HPSE2: variants seen among roughly 807,000 people sequenced by gnomAD.
The protein encoded by HPSE2 is inactive heparanase-2.
Under a neutral mutation model 60.5 loss-of-function variants are expected in HPSE2, and 38 were observed. The observed-to-expected ratio is 0.63, with a 90% CI of 0.48 to 0.82. The LOEUF (loss-of-function observed/expected upper bound fraction) is 0.82. HPSE2 is among the 40% of genes least tolerant of loss of function. HPSE2 has a pLI of 0.00. For missense variants in HPSE2, 713 were observed against 740.4 expected, an observed-to-expected ratio of 0.96 and a Z score of 0.43; for synonymous variants, 295 against 293.2, an observed-to-expected ratio of 1.01 and a Z score of -0.06.
At chr10:98,880,915 T>C (rs980849255) in intron 3 of HPSE2, among the ~76,000 whole-genome samples, 1 of 152,106 alleles carries the variant, frequency 6.6e-6, no homozygotes, top group Non-Finnish European at 1.5e-5. Flanking sequence ...TTCCTAAGAT[T>C]GCTTTCCCAG....
intron 9 of HPSE2, among the ~76,000 whole-genome samples, chr10:98,545,726 C>T (rs1401398263): frequency 1.3e-5 from 2 of 151,814 alleles, no homozygotes; most frequent in Admixed American, 6.6e-5. Context: ...GGAAGCATTC[C>T]CTTTGAAAAC....
At chr10:98,701,707 T>A (rs934054182) in intron 5 of HPSE2, among the ~76,000 whole-genome samples, 1 of 151,958 alleles carries the variant, frequency 6.6e-6, no homozygotes, top group Non-Finnish European at 1.5e-5. Context: ...CCAGCCAAAC[T>A]AAGCTTCATA....
At chr10:99,277,399 T>C in the HPSE2 span, among the ~76,000 whole-genome samples, 1 of 152,254 alleles carries the variant, frequency 6.6e-6, no homozygotes, top group Non-Finnish European at 1.5e-5. Context: ...ATAAGGTTTT[T>C]GGCTCAGTTT....
chr10:99,308,465 T>C, the HPSE2 span, among the ~76,000 whole-genome samples: 1 of 150,802 alleles, frequency 6.6e-6, no homozygotes, highest in Non-Finnish European at 1.5e-5. Flanking sequence ...AATGGAATAT[T>C]ATTTGGCCAT....
chr10:98,939,145 A>G (rs1191880948), intron 3 of HPSE2, among the ~76,000 whole-genome samples: 1 of 144,012 alleles, frequency 6.9e-6, no homozygotes, highest in Non-Finnish European at 1.5e-5. Context: ...CAAATTGTAA[A>G]GACCATCGAG....
intron 9 of HPSE2, among the ~76,000 whole-genome samples, chr10:98,575,980 T>C (rs1475646158): frequency 6.6e-6 from 1 of 152,230 alleles, no homozygotes; most frequent in African/African-American, 2.4e-5. Context: ...AAGCTGATAC[T>C]TATAATTTAG....
At chr10:99,309,207 A>G in the HPSE2 span, among the ~76,000 whole-genome samples, 1 of 152,186 alleles carries the variant, frequency 6.6e-6, no homozygotes, top group Non-Finnish European at 1.5e-5. Context: ...GTTAATGGGT[A>G]TAAGTGGGTT....
intron 9 of HPSE2, among the ~76,000 whole-genome samples, chr10:98,610,151 T>C (rs1241436295): frequency 6.6e-6 from 1 of 152,124 alleles, no homozygotes; most frequent in Non-Finnish European, 1.5e-5. Context: ...TCAGGTGGTG[T>C]TCTTGTATCA....
chr10:99,300,168 A>G, the HPSE2 span, among the ~76,000 whole-genome samples: 1 of 152,140 alleles, frequency 6.6e-6, no homozygotes, highest in African/African-American at 2.4e-5. Flanking sequence ...CCCCCATTCA[A>G]CAGCCTCTAG....
intron 9 of HPSE2, among the ~76,000 whole-genome samples, chr10:98,525,710 T>C (rs1354953773): frequency 1.3e-5 from 2 of 152,048 alleles, no homozygotes. Flanking sequence ...ATCTCGCAAG[T>C]GCAGGAAGTG....
At chr10:98,875,914 T>C (rs1952865275) in intron 3 of HPSE2, among the ~76,000 whole-genome samples, 1 of 151,984 alleles carries the variant, frequency 6.6e-6, no homozygotes, top group Admixed American at 6.6e-5. Flanking sequence ...AGTAATATAC[T>C]ACAGTAGTTA....
At chr10:98,914,549 C>G (rs1438842582) in intron 3 of HPSE2, among the ~76,000 whole-genome samples, 4 of 149,428 alleles carry the variant, frequency 2.7e-5, no homozygotes, top group Non-Finnish European at 5.9e-5. Flanking sequence ...ATAGCAAACA[C>G]TTCTTAATCC....
At chr10:99,147,478 T>A (rs1219621042) in intron 2 of HPSE2, among the ~76,000 whole-genome samples, 1 of 152,110 alleles carries the variant, frequency 6.6e-6, no homozygotes, top group Admixed American at 6.5e-5. Context: ...CCAACTAAAC[T>A]CCCTATTTCC....
At chr10:98,539,449 A>G (rs1943391372) in intron 9 of HPSE2, among the ~76,000 whole-genome samples, 1 of 152,158 alleles carries the variant, frequency 6.6e-6, no homozygotes, top group Non-Finnish European at 1.5e-5. Flanking sequence ...TGAACCCGGG[A>G]GGCGGAGGTT....
At chr10:98,581,935 GAACTCCC>G (rs1265214460) in intron 9 of HPSE2, among the ~76,000 whole-genome samples, 1 of 152,004 alleles carries the variant, frequency 6.6e-6, no homozygotes, top group Non-Finnish European at 1.5e-5. Context: ...TCAATTCCAA[GAACTCCC>G]AGTTGTTTAG....
At chr10:99,185,875 C>T (rs898045349) in intron 2 of HPSE2, among the ~76,000 whole-genome samples, 1 of 150,918 alleles carries the variant, frequency 6.6e-6, no homozygotes, top group Admixed American at 6.6e-5. Flanking sequence ...GAAGATAGAT[C>T]AATAGAAATT....
At chr10:99,200,881 A>G (rs6584246) in intron 2 of HPSE2, among the ~76,000 whole-genome samples, 82,354 of 152,012 alleles carry the variant, frequency 0.54, 24,168 homozygotes, top group East Asian at 0.65. Flanking sequence ...AAGGTATCTC[A>G]CATACAAAAG....
intron 3 of HPSE2, among the ~76,000 whole-genome samples, chr10:98,942,101 A>T (rs2135157029): frequency 7.0e-6 from 1 of 142,306 alleles, no homozygotes; most frequent in South Asian, 2.1e-4. Flanking sequence ...AAAGACTTAA[A>T]CATTAGACCT....
chr10:99,179,853 T>G (rs763047366), intron 2 of HPSE2, among the ~76,000 whole-genome samples: 3 of 151,768 alleles, frequency 2.0e-5, no homozygotes, highest in Non-Finnish European at 4.4e-5. Flanking sequence ...ACTACTTGAC[T>G]TCAAACTATA....
Sources: allele counts gnomAD v4.1 joint callset (sites outside exome capture counted in the v4.1 genomes callset), GRCh38; gene constraint gnomAD v4.1.1; transcripts MANE v1.5; gene names NCBI Gene and HGNC (gene_info 2026-07-23, HGNC 2026-07-21).